TLE4: variants seen among roughly 807,000 people sequenced by gnomAD.
The protein encoded by TLE4 is TLE family member 4, transcriptional corepressor, also known as transducin-like enhancer protein 4.
A neutral mutation model predicts 92.8 loss-of-function variants in TLE4; 8 were observed. That is an observed-to-expected ratio of 0.09 (90% confidence interval 0.05 to 0.16). The LOEUF is 0.16. Ranked by LOEUF, TLE4 falls within the 10% of genes least tolerant of loss-of-function variation. The pLI is 1.00. For synonymous variants in TLE4, 371 were observed against 374.1 expected (o/e 0.99, Z 0.10); for missense variants, 675 against 997.6 (o/e 0.68, Z 4.36).
chr9:79,663,187 A>G (rs2060825140), intron 8 of TLE4, among the ~76,000 whole-genome samples: 1 of 152,194 alleles, frequency 6.6e-6, no homozygotes, highest in East Asian at 1.9e-4. Context: ...TTCTGTGTAC[A>G]TTTACTTGAA....
chr9:79,694,043 G>T (rs1231973928), intron 8 of TLE4, among the ~76,000 whole-genome samples: 1 of 152,182 alleles, frequency 6.6e-6, no homozygotes, highest in South Asian at 2.1e-4. Flanking sequence ...TAGAATAAGG[G>T]TCAACAACCT....
intron 4 of TLE4, among the ~76,000 whole-genome samples, chr9:79,577,846 T>C (rs1039173738): frequency 1.3e-5 from 2 of 152,230 alleles, no homozygotes; most frequent in African/African-American, 4.8e-5. Context: ...TGTATTTGGC[T>C]GTATGTATTT....
chr9:79,675,554 A>G lies in TLE4; in HGVS notation c.609+21479A>G, dbSNP rs1477091983. Among the ~76,000 whole-genome samples, 6 of 152,316 alleles carry G rather than the reference A, an allele frequency of 3.9e-5. No individual in the cohort carries two copies. The East Asian group carries it at 1.2e-3, about 29-fold the overall frequency. On this transcript the variant is annotated intron_variant, in intron 8 of 19. Transcript: ENST00000376552. Reference sequence around the variant, plus strand: ...GGAAATTAAATTTCATTTATTCTTCATTTAACCAACCACTTTAAAACAAAC... The same window carrying G: ...GGAAATTAAATTTCATTTATTCTTCGTTTAACCAACCACTTTAAAACAAAC...
intron 8 of TLE4, chr9:79,663,488 A>G (rs1187078764): frequency 6.6e-6 from 1 of 152,228 alleles, no homozygotes; most frequent in East Asian, 1.9e-4. Flanking sequence ...GTTCTATTGG[A>G]TGATGCTGCG....
intron 8 of TLE4, among the ~76,000 whole-genome samples, chr9:79,689,633 C>G (rs913727108): frequency 6.6e-5 from 10 of 152,158 alleles, no homozygotes; most frequent in Admixed American, 4.6e-4. Flanking sequence ...CGTTTTTTCT[C>G]TCTCCCAACT....
In TLE4 at chr9:79,606,971, G is replaced by A. The variant is rs148235045; in HGVS notation, c.253-5685G>A. ...CGCCACACTGTCCTCCACAATGGTT[G>A]AACTAATTTACACTCCCACACAGTG... On this transcript the variant is annotated intron_variant, in intron 4 of 19. Coordinates refer to ENST00000376552, the MANE Select transcript of TLE4 (RefSeq NM_007005.6). Among the ~76,000 whole-genome samples the A allele has an allele frequency of 2.9e-4, 44 of 152,222 alleles. 1 individual carries two copies. The East Asian group carries it at 8.3e-3, about 29-fold the overall frequency.
chr9:79,597,338 G>A (rs1274506745), intron 4 of TLE4, among the ~76,000 whole-genome samples: 1 of 152,092 alleles, frequency 6.6e-6, no homozygotes, highest in African/African-American at 2.4e-5. Flanking sequence ...TTGGTGTTGG[G>A]TCATTTTTTA....
At position 79,696,331 on chromosome 9, in the gene TLE4, G is replaced by A. The variant is rs554593958; in HGVS notation, c.610-8452G>A. Among the ~76,000 whole-genome samples the A allele has an allele frequency of 7.9e-5, 12 of 152,130 alleles. No homozygotes were observed. The South Asian group carries it at 1.2e-3, about 16-fold the overall frequency. ...TCACATTATATTTCTGTCTGTCAGC[G>A]CCATTCTAAAGAATAACTTTAATAT... is the stretch of plus-strand genomic sequence containing the variant. On this transcript the variant is annotated intron_variant, in intron 8 of 19. Coordinates refer to ENST00000376552, the MANE Select transcript of TLE4 (RefSeq NM_007005.6).
chr9:79,702,531 CAG>C (rs1477007416), intron 8 of TLE4, among the ~76,000 whole-genome samples: 1 of 152,180 alleles, frequency 6.6e-6, no homozygotes, highest in Non-Finnish European at 1.5e-5. Context: ...TGGAACTCAG[CAG>C]AGATACACAA....
chr9:79,704,949 A>G lies in TLE4; in HGVS notation c.729+47A>G, dbSNP rs763419313. On this transcript the variant is annotated intron_variant, in intron 9 of 19. Transcript: ENST00000376552. ...TTAGGGGAGGCCAGCTTGCCTTTTT[A>G]TCTGCAGCCATTTTACCCTTTGACT... 22 of 1,609,310 alleles carry G rather than the reference A, an allele frequency of 1.4e-5. No homozygotes were observed. In the South Asian group the frequency reaches 1.5e-4, roughly 11 times the overall value.
At chr9:79,581,537 A>G (rs968670031) in intron 4 of TLE4, among the ~76,000 whole-genome samples, 1 of 152,238 alleles carries the variant, frequency 6.6e-6, no homozygotes, top group Admixed American at 6.5e-5. Flanking sequence ...AGAAGTAAAC[A>G]TTTATTATAT....
intron 8 of TLE4, among the ~76,000 whole-genome samples, chr9:79,683,458 C>T (rs1346430515): frequency 1.3e-5 from 2 of 152,090 alleles, no homozygotes; most frequent in African/African-American, 4.8e-5. Context: ...TTACATGGTA[C>T]CTATGCCAAT....
intron 8 of TLE4, among the ~76,000 whole-genome samples, chr9:79,690,124 T>C (rs1386552736): frequency 6.6e-6 from 1 of 152,148 alleles, no homozygotes; most frequent in African/African-American, 2.4e-5. Context: ...GCTCTATACC[T>C]TACTCTTCCT....
At chr9:79,588,071 G>T (rs1304037079) in intron 4 of TLE4, among the ~76,000 whole-genome samples, 1 of 151,758 alleles carries the variant, frequency 6.6e-6, no homozygotes, top group Non-Finnish European at 1.5e-5. Context: ...CTACATTCTG[G>T]TTTTGAACCA....
At chr9:79,614,052 T>C (rs1228120615) in intron 5 of TLE4, among the ~76,000 whole-genome samples, 1 of 152,154 alleles carries the variant, frequency 6.6e-6, no homozygotes, top group East Asian at 1.9e-4. Context: ...ATTAGATGGC[T>C]TGGTGAATGA....
chr9:79,625,592 A>G (rs2052407619), intron 5 of TLE4, among the ~76,000 whole-genome samples: 3 of 151,900 alleles, frequency 2.0e-5, no homozygotes, highest in African/African-American at 7.3e-5. Flanking sequence ...AAGTACTGCC[A>G]TTTCTCACCA....
At chr9:79,666,354 A>G (rs1164771433) in intron 8 of TLE4, among the ~76,000 whole-genome samples, 3 of 150,624 alleles carry the variant, frequency 2.0e-5, no homozygotes, top group Non-Finnish European at 4.4e-5. Flanking sequence ...CAGCCTCCCA[A>G]GTAACTGGGA....
chr9:79,585,159 A>G (rs2040739969), intron 4 of TLE4, among the ~76,000 whole-genome samples: 1 of 152,222 alleles, frequency 6.6e-6, no homozygotes, highest in Non-Finnish European at 1.5e-5. Context: ...AACGTTGTTG[A>G]AAGAATAGTA....
At chr9:79,706,047 A>T (rs2071471636) in intron 10 of TLE4, 105 bp downstream of exon 10, 12 of 1,150,682 alleles carry the variant, frequency 1.0e-5, no homozygotes, top group South Asian at 7.4e-5. Context: ...TCGTTTTGTT[A>T]TTGTTGTTGT....
Sources: allele counts gnomAD v4.1 joint callset (sites outside exome capture counted in the v4.1 genomes callset), GRCh38; gene constraint gnomAD v4.1.1; transcripts MANE v1.5; gene names NCBI Gene and HGNC (gene_info 2026-07-23, HGNC 2026-07-21).